ST6GALNAC5: variants seen among roughly 807,000 people sequenced by gnomAD.
ST6GALNAC5 encodes the protein ST6 N-acetylgalactosaminide alpha-2,6-sialyltransferase 5.
ST6GALNAC5 carries 27 observed loss-of-function variants against 33.6 expected under a neutral mutation model. The observed-to-expected ratio is 0.80, with a 90% CI of 0.59 to 1.11. The LOEUF (loss-of-function observed/expected upper bound fraction) is 1.11. ST6GALNAC5 is among the 50% of genes least tolerant of loss of function. The pLI is 0.00. For synonymous variants in ST6GALNAC5, 194 were observed against 171.2 expected (o/e 1.13, Z -1.04); for missense variants, 428 against 454.0 (o/e 0.94, Z 0.52).
intron 2 of ST6GALNAC5, among the ~76,000 whole-genome samples, chr1:76,925,236 C>T (rs184134546): frequency 6.6e-6 from 1 of 152,184 alleles, no homozygotes; most frequent in Non-Finnish European, 1.5e-5. Context: ...GATCCAATGC[C>T]TCCCAGCAGG....
At chr1:76,940,348 T>C (rs932534675) in intron 2 of ST6GALNAC5, among the ~76,000 whole-genome samples, 1 of 152,072 alleles carries the variant, frequency 6.6e-6, no homozygotes, top group Non-Finnish European at 1.5e-5. Context: ...GGGCTTCATA[T>C]TAAGCTGAAA....
intron 3 of ST6GALNAC5, among the ~76,000 whole-genome samples, chr1:77,046,731 G>C (rs1652023397): frequency 6.6e-6 from 1 of 152,186 alleles, no homozygotes; most frequent in African/African-American, 2.4e-5. Context: ...TTTTTTACTT[G>C]TTGGAAAATT....
At chr1:76,939,755 T>G (rs1184101031) in intron 2 of ST6GALNAC5, among the ~76,000 whole-genome samples, 2 of 152,236 alleles carry the variant, frequency 1.3e-5, no homozygotes, top group African/African-American at 4.8e-5. Flanking sequence ...ACCTGCCGTG[T>G]GCCAGGCACT....
At chr1:76,925,358 A>G (rs551579485) in intron 2 of ST6GALNAC5, among the ~76,000 whole-genome samples, 1 of 152,228 alleles carries the variant, frequency 6.6e-6, no homozygotes, top group African/African-American at 2.4e-5. Context: ...TGTCAATTCA[A>G]AGCCAAAGAC....
chr1:76,914,679 C>T (rs1003879819), intron 2 of ST6GALNAC5, among the ~76,000 whole-genome samples: 9 of 152,136 alleles, frequency 5.9e-5, no homozygotes, highest in Admixed American at 3.3e-4. Flanking sequence ...ACACCTTATA[C>T]AAAAATTAAT....
At chr1:76,934,050 C>T (rs1429982997) in intron 2 of ST6GALNAC5, among the ~76,000 whole-genome samples, 1 of 151,978 alleles carries the variant, frequency 6.6e-6, no homozygotes, top group Non-Finnish European at 1.5e-5. Context: ...TGGTTCTGAA[C>T]TTTGTGTTTT....
chr1:76,914,299 C>G (rs1646945525), intron 2 of ST6GALNAC5, among the ~76,000 whole-genome samples: 1 of 152,136 alleles, frequency 6.6e-6, no homozygotes, highest in African/African-American at 2.4e-5. Context: ...CCATCCCCAT[C>G]AAGCTACCAA....
chr1:76,915,484 A>G (rs1242457962), intron 2 of ST6GALNAC5, among the ~76,000 whole-genome samples: 1 of 152,194 alleles, frequency 6.6e-6, no homozygotes, highest in African/African-American at 2.4e-5. Flanking sequence ...AAAATCTGGC[A>G]TATATACACC....
intron 2 of ST6GALNAC5, among the ~76,000 whole-genome samples, chr1:77,029,008 G>A (rs573078688): frequency 4.2e-4 from 64 of 152,302 alleles, no homozygotes; most frequent in African/African-American, 1.4e-3. Context: ...ATTTGGATAC[G>A]TGGGTGGTGG....
chr1:76,876,735 G>C (rs1253965161), intron 2 of ST6GALNAC5, among the ~76,000 whole-genome samples: 1 of 152,178 alleles, frequency 6.6e-6, no homozygotes, highest in African/African-American at 2.4e-5. Context: ...CTTCACTGCT[G>C]TCCTTCAGGG....
At chr1:76,893,796 G>A (rs1006045055) in intron 2 of ST6GALNAC5, among the ~76,000 whole-genome samples, 1 of 152,132 alleles carries the variant, frequency 6.6e-6, no homozygotes, top group Non-Finnish European at 1.5e-5. Flanking sequence ...GAGTAGCTGG[G>A]ACTACAGGTG....
At chr1:77,047,772 A>G (rs970608540) in intron 3 of ST6GALNAC5, among the ~76,000 whole-genome samples, 1 of 152,242 alleles carries the variant, frequency 6.6e-6, no homozygotes, top group Non-Finnish European at 1.5e-5. Flanking sequence ...ATTATAAATG[A>G]GATTCTGGTG....
chr1:77,040,139 A>G (rs775127418), intron 2 of ST6GALNAC5, among the ~76,000 whole-genome samples: 2 of 152,182 alleles, frequency 1.3e-5, no homozygotes, highest in African/African-American at 2.4e-5. Flanking sequence ...ATTTTTTGCC[A>G]TTCTGCCTCC....
At chr1:76,913,473 T>C (rs577013428) in intron 2 of ST6GALNAC5, among the ~76,000 whole-genome samples, 1 of 152,246 alleles carries the variant, frequency 6.6e-6, no homozygotes. Context: ...CCTGCCTTGC[T>C]AGATTCGGGA....
intron 3 of ST6GALNAC5, among the ~76,000 whole-genome samples, chr1:77,047,298 A>G (rs1030779840): frequency 6.6e-6 from 1 of 152,264 alleles, no homozygotes; most frequent in Non-Finnish European, 1.5e-5. Context: ...GAAACAAGTC[A>G]GAAATGGCCA....
rs1271445169 is a variant in ST6GALNAC5, at chr1:76,898,938, T to C, written c.261+30196T>C. On this transcript the variant is annotated intron_variant, in intron 2 of 4. Coordinates refer to ENST00000477717, the MANE Select transcript of ST6GALNAC5 (RefSeq NM_030965.3). The stretch of plus-strand genomic sequence containing the variant: ...TTGGGGTTGGGACTGAGGGGACAGG[T>C]GGGAGGGAAACAAGGAAGATTTGGG... Among the ~76,000 whole-genome samples, 3 of 151,714 alleles carry C rather than the reference T, an allele frequency of 2.0e-5. No homozygotes were observed. The East Asian group carries it at 5.8e-4, about 30-fold the overall frequency.
At chr1:76,964,695 G>C (rs1041959749) in intron 2 of ST6GALNAC5, among the ~76,000 whole-genome samples, 3 of 152,086 alleles carry the variant, frequency 2.0e-5, no homozygotes, top group African/African-American at 7.2e-5. Context: ...TGCCATGTTG[G>C]TTTCCTGCAC....
intron 2 of ST6GALNAC5, among the ~76,000 whole-genome samples, chr1:76,942,267 T>G (rs566692427): frequency 1.3e-5 from 2 of 152,260 alleles, no homozygotes; most frequent in South Asian, 4.1e-4. Context: ...GCATGCAGTA[T>G]TCCTGAAATT....
intron 2 of ST6GALNAC5, among the ~76,000 whole-genome samples, chr1:76,968,987 A>G (rs1317819786): frequency 6.6e-6 from 1 of 152,108 alleles, no homozygotes; most frequent in East Asian, 1.9e-4. Context: ...GCGTTACCCA[A>G]CTTTTCTCTC....
Sources: allele counts gnomAD v4.1 joint callset (sites outside exome capture counted in the v4.1 genomes callset), GRCh38; gene constraint gnomAD v4.1.1; transcripts MANE v1.5; gene names NCBI Gene and HGNC (gene_info 2026-07-23, HGNC 2026-07-21).